ERC2: variants seen among roughly 807,000 people sequenced by gnomAD.
The protein encoded by ERC2 is ERC protein 2.
Under a neutral mutation model 114.8 loss-of-function variants are expected in ERC2, and 42 were observed. The ratio of observed to expected loss-of-function variants is 0.37; its 90% confidence interval spans 0.29 to 0.47. ERC2 has a LOEUF of 0.47. Among genes scored for constraint, ERC2 ranks in the 20% least tolerant of loss-of-function variants. The pLI, the probability that ERC2 is intolerant of heterozygous loss-of-function variation, is 0.99. For missense variants in ERC2, 939 were observed against 1,150.7 expected (o/e 0.82, Z 2.66); for synonymous variants, 454 against 425.5 (o/e 1.07, Z -0.82).
intron 2 of ERC2, among the ~76,000 whole-genome samples, chr3:56,344,059 G>A (rs2058208678): frequency 6.6e-6 from 1 of 152,168 alleles, no homozygotes; most frequent in Non-Finnish European, 1.5e-5. Flanking sequence ...ATTTATCAGA[G>A]TAAACAGGCA....
chr3:55,756,329 T>C (rs1222894132), intron 14 of ERC2, among the ~76,000 whole-genome samples: 2 of 152,158 alleles, frequency 1.3e-5, no homozygotes, highest in African/African-American at 2.4e-5. Flanking sequence ...AGGAAACTTT[T>C]TGATGCTAAC....
chr3:55,975,059 TAA>T (rs1168109605), intron 12 of ERC2, among the ~76,000 whole-genome samples: 1 of 152,180 alleles, frequency 6.6e-6, no homozygotes, highest in Non-Finnish European at 1.5e-5. Context: ...CCGAAATGGC[TAA>T]GTTTGAATCC....
chr3:55,636,090 G>T (rs192256747), intron 17 of ERC2, among the ~76,000 whole-genome samples: 1 of 151,654 alleles, frequency 6.6e-6, no homozygotes, highest in Non-Finnish European at 1.5e-5. Context: ...TGGCAAGGCT[G>T]GTCTTGAACT....
chr3:56,290,791 G>A (rs2055032615), intron 3 of ERC2, among the ~76,000 whole-genome samples: 1 of 152,162 alleles, frequency 6.6e-6, no homozygotes, highest in African/African-American at 2.4e-5. Flanking sequence ...CCTGGATAAG[G>A]AGACCAGGAG....
intron 2 of ERC2, among the ~76,000 whole-genome samples, chr3:56,305,407 G>A (rs2056153224): frequency 6.6e-6 from 1 of 151,832 alleles, no homozygotes; most frequent in South Asian, 2.1e-4. Flanking sequence ...AATACGATCA[G>A]CCAATAAACA....
At chr3:56,160,205 A>G (rs144552622) in intron 4 of ERC2, among the ~76,000 whole-genome samples, 182 of 152,238 alleles carry the variant, frequency 1.2e-3, no homozygotes, top group African/African-American at 4.3e-3. Flanking sequence ...TTGGTGTAAG[A>G]TGGCTTCTCA....
intron 17 of ERC2, among the ~76,000 whole-genome samples, chr3:55,561,126 A>C (rs192013751): frequency 1.5e-4 from 22 of 151,698 alleles, no homozygotes; most frequent in African/African-American, 5.3e-4. Flanking sequence ...TCACAGCAGA[A>C]AGCTCACCAA....
intron 17 of ERC2, among the ~76,000 whole-genome samples, chr3:55,537,405 T>C (rs549727838): frequency 2.0e-5 from 3 of 152,284 alleles, no homozygotes; most frequent in African/African-American, 7.2e-5. Flanking sequence ...CTTAACGAAG[T>C]CTGGTCCAAA....
At chr3:55,709,565 T>G (rs1273824877) in intron 15 of ERC2, among the ~76,000 whole-genome samples, 2 of 152,042 alleles carry the variant, frequency 1.3e-5, no homozygotes, top group African/African-American at 4.8e-5. Context: ...AATGAACATG[T>G]CCTGAGAACT....
At chr3:56,249,385 G>T (rs957478887) in intron 3 of ERC2, among the ~76,000 whole-genome samples, 3 of 151,998 alleles carry the variant, frequency 2.0e-5, no homozygotes, top group African/African-American at 4.8e-5. Context: ...GAGTGCAGTG[G>T]TGCAATCTCA....
chr3:55,580,799 C>G (rs1399448641), intron 17 of ERC2, among the ~76,000 whole-genome samples: 1 of 152,176 alleles, frequency 6.6e-6, no homozygotes, highest in Non-Finnish European at 1.5e-5. Flanking sequence ...ACACAACAGC[C>G]TATGTGCTTG....
At chr3:55,749,360 G>T (rs970058672) in intron 14 of ERC2, among the ~76,000 whole-genome samples, 1 of 152,162 alleles carries the variant, frequency 6.6e-6, no homozygotes, top group Admixed American at 6.5e-5. Flanking sequence ...GCTTAGATTT[G>T]AACTTCAAGG....
chr3:56,239,203 C>T (rs1003575524), intron 3 of ERC2, among the ~76,000 whole-genome samples: 25 of 152,190 alleles, frequency 1.6e-4, no homozygotes, highest in African/African-American at 5.3e-4. Flanking sequence ...TAAGACTCAG[C>T]ATCCAAACAA....
chr3:56,148,514 TGACCTCA>T, intron 5 of ERC2, among the ~76,000 whole-genome samples: 1 of 152,188 alleles, frequency 6.6e-6, no homozygotes, highest in Non-Finnish European at 1.5e-5. Context: ...CTCGAACTCC[TGACCTCA>T]GCTGATCTGC....
intron 13 of ERC2, among the ~76,000 whole-genome samples, chr3:55,909,498 C>A (rs965963814): frequency 3.3e-5 from 5 of 151,918 alleles, no homozygotes; most frequent in Admixed American, 3.3e-4. Flanking sequence ...GGATTTCTGC[C>A]TGCGGTGGCT....
At chr3:56,172,527 C>T (rs967384075) in intron 4 of ERC2, among the ~76,000 whole-genome samples, 1 of 152,170 alleles carries the variant, frequency 6.6e-6, no homozygotes, top group Non-Finnish European at 1.5e-5. Context: ...GATGCATTAT[C>T]CTATCAGCAA....
At chr3:56,102,108 C>T (rs1443530570) in intron 6 of ERC2, among the ~76,000 whole-genome samples, 2 of 152,184 alleles carry the variant, frequency 1.3e-5, no homozygotes, top group Non-Finnish European at 2.9e-5. Context: ...CTTTTCCCTC[C>T]CTTTGCTTCA....
Position 55,699,427 on chromosome 3 carries a change from CGATGGTGGTGGT to C in ERC2, c.2786_2797del (p.His929_His932del), listed in dbSNP as rs1559516765. 7 of 1,613,566 alleles carry C rather than the reference CGATGGTGGTGGT, an allele frequency of 4.3e-6. No individual in the cohort carries two copies. The highest frequency in any genetic ancestry group is 5.9e-6 in the Non-Finnish European group (7 of 1,179,766). ...GGAATGTTGCGACCTCCCAGGAGAT[CGATGGTGGTGGT>C]GATGGTGGTGGTGGTGGTAATGGTG... On this transcript the variant is annotated inframe_deletion, in exon 16 of 18. Coordinates refer to ENST00000288221, the MANE Select transcript of ERC2 (RefSeq NM_015576.3).
At chr3:56,121,284 T>C (rs2149857717) in intron 6 of ERC2, among the ~76,000 whole-genome samples, 1 of 152,344 alleles carries the variant, frequency 6.6e-6, no homozygotes, top group East Asian at 1.9e-4. Flanking sequence ...CTTTCTGAAA[T>C]AGGTGTAGAA....
Sources: allele counts gnomAD v4.1 joint callset (sites outside exome capture counted in the v4.1 genomes callset), GRCh38; gene constraint gnomAD v4.1.1; transcripts MANE v1.5; gene names NCBI Gene and HGNC (gene_info 2026-07-23, HGNC 2026-07-21).